CDH13: variants seen among roughly 807,000 people sequenced by gnomAD.
CDH13 encodes the protein cadherin 13.
In CDH13, 24 loss-of-function variants were observed where a neutral mutation model predicts 63.8. The observed-to-expected ratio is 0.38, with a 90% CI of 0.27 to 0.53. CDH13 has a LOEUF of 0.53. Among genes scored for constraint, CDH13 ranks in the 20% least tolerant of loss-of-function variants. CDH13 has a pLI of 0.85. For missense variants in CDH13, 1,049 were observed against 903.1 expected, an observed-to-expected ratio of 1.16 and a Z score of -2.07; for synonymous variants, 503 against 355.3, an observed-to-expected ratio of 1.42 and a Z score of -4.67.
rs77964725 is a variant in CDH13, at chr16:83,119,344, C to A, written c.367-6041C>A. Among the ~76,000 whole-genome samples, 66 of 152,296 alleles carry A rather than the reference C, an allele frequency of 4.3e-4. No homozygotes were observed. The East Asian group carries it at 0.012, about 28-fold the overall frequency. On this transcript the variant is annotated intron_variant, in intron 3 of 13. Transcript: ENST00000567109. ...TACTCTTGTATATGAGTGATTGTGA[C>A]ATTTGTCTCCCTCCTGAATGCAATT...
intron 2 of CDH13, among the ~76,000 whole-genome samples, chr16:82,891,677 C>G (rs1255375125): frequency 6.6e-6 from 1 of 152,114 alleles, no homozygotes; most frequent in Non-Finnish European, 1.5e-5. Context: ...TGCCAGTGAC[C>G]ATGGCATTGA....
intron 7 of CDH13, among the ~76,000 whole-genome samples, chr16:83,524,403 A>G (rs62042283): frequency 0.017 from 2,532 of 150,656 alleles, 37 homozygotes; most frequent in East Asian, 0.086. Context: ...CCTGTCTAGC[A>G]GGTGGACTGA....
chr16:83,760,794 G>C (rs1217096429), intron 11 of CDH13, among the ~76,000 whole-genome samples: 2 of 152,154 alleles, frequency 1.3e-5, no homozygotes, highest in African/African-American at 4.8e-5. Context: ...AAAATGCATG[G>C]CTGCAGAGAG....
chr16:82,750,321 C>T (rs555135410), intron 1 of CDH13, among the ~76,000 whole-genome samples: 151 of 152,116 alleles, frequency 9.9e-4, no homozygotes, highest in African/African-American at 3.5e-3. Flanking sequence ...GATGTCTGGT[C>T]TTTAATCTGT....
At chr16:83,442,952 C>A (rs1413953180) in intron 6 of CDH13, among the ~76,000 whole-genome samples, 1 of 152,192 alleles carries the variant, frequency 6.6e-6, no homozygotes, top group South Asian at 2.1e-4. Flanking sequence ...ATTTTAAGAT[C>A]ATATGGCTTT....
At position 83,582,282 on chromosome 16, in the gene CDH13, CT is replaced by C. The variant is rs1018745331; in HGVS notation, c.961-20162del. 2.7e-3 allele frequency among the ~76,000 whole-genome samples: 410 copies of C among 149,986 alleles called. 3 individuals are homozygous for C. Among genetic ancestry groups the C allele is most frequent in the African/African-American group, 9.4e-3 (385 of 40,838 alleles). On this transcript the variant is annotated intron_variant, in intron 7 of 13. Coordinates refer to ENST00000567109, the MANE Select transcript of CDH13 (RefSeq NM_001257.5). ...GGGTTACACAACACTTGGCTTAATCCTTTTTTTTTTCCATCAGGCCCATAAG... is the reference window on the plus strand; with the variant it reads ...GGGTTACACAACACTTGGCTTAATCCTTTTTTTTTCCATCAGGCCCATAAG...
Position 82,952,127 on chromosome 16 carries a change from G to A in CDH13, c.158-79883G>A, listed in dbSNP as rs7184619. Among the ~76,000 whole-genome samples, 1,031 of 152,280 alleles carry A rather than the reference G, an allele frequency of 6.8e-3. 10 individuals are homozygous for A. The highest frequency in any genetic ancestry group is 0.023 in the African/African-American group (941 of 41,536). On this transcript the variant is annotated intron_variant, in intron 2 of 13. Transcript: ENST00000567109. ...AGACATTTTTCCACACTCAGACAACGTGACTCCTTGCTCATCAAGTGGCTC... is the reference window on the plus strand; with the variant it reads ...AGACATTTTTCCACACTCAGACAACATGACTCCTTGCTCATCAAGTGGCTC...
At chr16:83,338,087 A>G (rs2090637296) in intron 5 of CDH13, among the ~76,000 whole-genome samples, 1 of 151,038 alleles carries the variant, frequency 6.6e-6, no homozygotes, top group African/African-American at 2.4e-5. Flanking sequence ...CTTTGCTGCG[A>G]TGAGTATTTG....
chr16:83,391,698 C>T (rs4482275), intron 6 of CDH13, among the ~76,000 whole-genome samples: 43,200 of 152,050 alleles, frequency 0.28, 6,255 homozygotes, highest in South Asian at 0.42. Context: ...GCCATGCAGA[C>T]GAACACAGGT....
intron 7 of CDH13, among the ~76,000 whole-genome samples, chr16:83,548,935 C>T (rs969022823): frequency 7.2e-5 from 11 of 152,190 alleles, no homozygotes; most frequent in Admixed American, 2.0e-4. Context: ...TGAGTATTTT[C>T]TTTGCCCCCT....
intron 8 of CDH13, among the ~76,000 whole-genome samples, chr16:83,624,759 G>T (rs1910128940): frequency 6.6e-6 from 1 of 152,176 alleles, no homozygotes; most frequent in South Asian, 2.1e-4. Context: ...AATGAGGCCT[G>T]TGGTTGACTG....
At chr16:83,706,459 C>G (rs1296139818) in intron 10 of CDH13, among the ~76,000 whole-genome samples, 1 of 152,138 alleles carries the variant, frequency 6.6e-6, no homozygotes, top group East Asian at 1.9e-4. Flanking sequence ...GCTATAGAGC[C>G]AAAGTCTGCA....
At chr16:82,710,780 T>A (rs1597379424) in intron 1 of CDH13, among the ~76,000 whole-genome samples, 2 of 148,180 alleles carry the variant, frequency 1.3e-5, no homozygotes, top group East Asian at 2.0e-4. Flanking sequence ...AAAGTATATT[T>A]ATATACAAAT....
chr16:83,274,063 C>G (rs187759279), intron 5 of CDH13, among the ~76,000 whole-genome samples: 36 of 152,332 alleles, frequency 2.4e-4, no homozygotes, highest in African/African-American at 8.4e-4. Flanking sequence ...ACTATGACAA[C>G]AGCCTCTTCA....
intron 1 of CDH13, among the ~76,000 whole-genome samples, chr16:82,696,457 A>G (rs1283207982): frequency 1.3e-5 from 2 of 152,254 alleles, no homozygotes; most frequent in Non-Finnish European, 2.9e-5. Context: ...GGTAGTCACA[A>G]GGTCTTTGAC....
intron 1 of CDH13, among the ~76,000 whole-genome samples, chr16:82,721,302 A>C (rs143820967): frequency 5.3e-4 from 80 of 152,298 alleles, no homozygotes; most frequent in Admixed American, 1.0e-3. Flanking sequence ...TAGTATTTAC[A>C]CACATGATGT....
chr16:83,595,684 A>G (rs1396361262), intron 7 of CDH13, among the ~76,000 whole-genome samples: 1 of 152,254 alleles, frequency 6.6e-6, no homozygotes, highest in Non-Finnish European at 1.5e-5. Context: ...CACACCAAGT[A>G]CATAACTTCT....
intron 2 of CDH13, among the ~76,000 whole-genome samples, chr16:82,909,660 C>T (rs2041766003): frequency 6.6e-6 from 1 of 152,080 alleles, no homozygotes; most frequent in South Asian, 2.1e-4. Context: ...ATTTGTAAAA[C>T]CACCGGATCT....
intron 5 of CDH13, among the ~76,000 whole-genome samples, chr16:83,232,534 A>G (rs888771409): frequency 7.2e-6 from 1 of 138,288 alleles, no homozygotes; most frequent in African/African-American, 3.1e-5. Context: ...AAAAAACGAC[A>G]ACAACAACAA....
Sources: gnomAD v4.1 joint callset for allele counts (sites outside exome capture counted in the v4.1 genomes callset) on GRCh38, gnomAD v4.1.1 for gene constraint, MANE v1.5 for transcripts, NCBI Gene and HGNC (gene_info 2026-07-23, HGNC 2026-07-21) for gene names.